The following SATL1 variants were observed in gnomAD, a reference collection of about 807,000 sequenced individuals.
The protein encoded by SATL1 is spermidine/spermine N1-acetyl transferase like 1.
A neutral mutation model predicts 51.8 loss-of-function variants in SATL1; 47 were observed. The ratio of observed to expected loss-of-function variants is 0.91; its 90% CI spans 0.72 to 1.16. SATL1 has a LOEUF of 1.16. Ranked by LOEUF, SATL1 falls within the 50% of genes most tolerant of loss-of-function variation. The probability of loss-of-function intolerance (pLI) is 0.00; values close to 1 mark genes in which losing one functional copy is unlikely to be tolerated. For synonymous variants in SATL1, 176 were observed against 182.4 expected (o/e 0.97, Z 0.28); for missense variants, 520 against 526.4 (o/e 0.99, Z 0.12).
chrX:85,167,286 A>G (rs758158420), intron 2 of SATL1, among the ~76,000 whole-genome samples: 1 of 108,216 alleles, frequency 9.2e-6, no homozygotes, highest in East Asian at 3.0e-4. Context: ...AAGACCACAC[A>G]TTGGGTACAG....
chrX:85,203,005 G>A (rs746646698), intron 2 of SATL1, among the ~76,000 whole-genome samples: 2 of 111,495 alleles, frequency 1.8e-5, no homozygotes, highest in Non-Finnish European at 3.8e-5. Flanking sequence ...AGGCCTGCAG[G>A]ACCTGCCCAG....
chrX:85,191,588 T>C (rs1353809978), intron 2 of SATL1, among the ~76,000 whole-genome samples: 1 of 112,016 alleles, frequency 8.9e-6, no homozygotes, highest in Non-Finnish European at 1.9e-5. Flanking sequence ...GAAGCCTTAC[T>C]GATAACATAA....
At chrX:85,223,171 T>C (rs1928207748) in intron 2 of SATL1, among the ~76,000 whole-genome samples, 1 of 111,782 alleles carries the variant, frequency 8.9e-6, no homozygotes, top group African/African-American at 3.2e-5. Flanking sequence ...ACTGGCCTAG[T>C]AGTATGTGTC....
At chrX:85,133,605 C>G (rs1925872849) in intron 2 of SATL1, among the ~76,000 whole-genome samples, 1 of 112,192 alleles carries the variant, frequency 8.9e-6, no homozygotes, top group Non-Finnish European at 1.9e-5. Flanking sequence ...CCTCATGCCT[C>G]CCGGCTGAGG....
chrX:85,232,289 G>T (rs747732458), intron 1 of SATL1, among the ~76,000 whole-genome samples: 8 of 110,811 alleles, frequency 7.2e-5, no homozygotes, highest in Non-Finnish European at 1.3e-4. Flanking sequence ...GCAACACTCA[G>T]TGTGGGTTTT....
intron 2 of SATL1, among the ~76,000 whole-genome samples, chrX:85,179,947 T>C (rs1927165652): frequency 9.1e-6 from 1 of 109,682 alleles, no homozygotes; most frequent in African/African-American, 3.3e-5. Flanking sequence ...ATACCTAGCA[T>C]AGTTTGAGTA....
At chrX:85,169,600 A>G (rs1270535642) in intron 2 of SATL1, among the ~76,000 whole-genome samples, 1 of 111,920 alleles carries the variant, frequency 8.9e-6, no homozygotes, top group Non-Finnish European at 1.9e-5. Flanking sequence ...CAGAATGTCT[A>G]TTATTAAAAA....
intron 2 of SATL1, among the ~76,000 whole-genome samples, chrX:85,205,014 G>C (rs1252860721): frequency 1.8e-5 from 2 of 111,789 alleles, no homozygotes; most frequent in African/African-American, 6.5e-5. Flanking sequence ...CAGAAGGATG[G>C]AAAATTAAAG....
intron 2 of SATL1, among the ~76,000 whole-genome samples, chrX:85,216,437 T>C (rs982697591): frequency 9.0e-6 from 1 of 111,101 alleles, no homozygotes; most frequent in Non-Finnish European, 1.9e-5. Flanking sequence ...GCAGACTGCA[T>C]TCTCATCTGG....
At chrX:85,130,051 C>G (rs1293602777) in intron 2 of SATL1, among the ~76,000 whole-genome samples, 1 of 111,598 alleles carries the variant, frequency 9.0e-6, no homozygotes, top group African/African-American at 3.3e-5. Context: ...GTTTTGCCAG[C>G]ATTTTATTGA....
chrX:85,132,169 G>C (rs942732371), intron 2 of SATL1, among the ~76,000 whole-genome samples: 1 of 111,241 alleles, frequency 9.0e-6, no homozygotes, highest in African/African-American at 3.3e-5. Context: ...GGCATTCTTT[G>C]TGTTTCCTGA....
chrX:85,149,228 A>G (rs1434535540), intron 2 of SATL1, among the ~76,000 whole-genome samples: 2 of 111,708 alleles, frequency 1.8e-5, no homozygotes, highest in African/African-American at 3.3e-5. Context: ...AGGCCATTAC[A>G]TAATGGTAAA....
intron 1 of SATL1, among the ~76,000 whole-genome samples, chrX:85,241,953 A>T (rs1355165493): frequency 8.9e-6 from 1 of 111,886 alleles, no homozygotes; most frequent in East Asian, 2.8e-4. Context: ...TTGGTGAGTA[A>T]ATGGACACAG....
chrX:85,126,541 CCG>C (rs1250645001), intron 2 of SATL1, among the ~76,000 whole-genome samples: 20 of 111,224 alleles, frequency 1.8e-4, no homozygotes, highest in African/African-American at 6.2e-4. Context: ...ACCACTACTG[CCG>C]CTTTCGGTAT....
intron 2 of SATL1, chrX:85,212,089 T>C (rs1386998910): frequency 2.7e-5 from 3 of 111,414 alleles, no homozygotes; most frequent in Non-Finnish European, 5.7e-5. Flanking sequence ...TGGAATAAAT[T>C]ACAAGTAAGT....
intron 2 of SATL1, among the ~76,000 whole-genome samples, chrX:85,150,871 C>G (rs1926411255): frequency 9.1e-6 from 1 of 110,090 alleles, no homozygotes; most frequent in African/African-American, 3.3e-5. Flanking sequence ...ACTGAATGGA[C>G]AAATACTGGA....
At chrX:85,106,625 A>G (rs772180761) in intron 3 of SATL1, among the ~76,000 whole-genome samples, 16 of 112,091 alleles carry the variant, frequency 1.4e-4, no homozygotes, top group African/African-American at 4.9e-4. Flanking sequence ...GAGTGCTTTC[A>G]GCACCACAGA....
Position 85,094,233 on chromosome X carries a change from G to A in SATL1, c.1775-4C>T, listed in dbSNP as rs1318587711. ...GCAAATCCAACAGTCAGTTTGCCTAGGAAGGGAGAAGAAAGGGTGTAGAAA... is the reference window on the plus strand; with the variant it reads ...GCAAATCCAACAGTCAGTTTGCCTAAGAAGGGAGAAGAAAGGGTGTAGAAA... On this transcript the variant is annotated splice_polypyrimidine_tract_variant and splice_region_variant and intron_variant, in intron 5 of 7. Coordinates refer to ENST00000644105, the MANE Select transcript of SATL1 (RefSeq NM_001367857.2). 1 of 1,082,976 alleles carries A rather than the reference G, an allele frequency of 9.2e-7. No individual in the cohort carries two copies. The allele number at this position is 1,082,976 out of a possible 1,213,427, so 89.2% of individuals were successfully genotyped here.
chrX:85,239,077 G>C (rs955067415), intron 1 of SATL1, among the ~76,000 whole-genome samples: 2 of 109,237 alleles, frequency 1.8e-5, no homozygotes, highest in East Asian at 2.9e-4. Flanking sequence ...TTGTTGAAAG[G>C]GTTGATCTCA....
Sources: gnomAD v4.1 joint callset for allele counts (sites outside exome capture counted in the v4.1 genomes callset) on GRCh38, gnomAD v4.1.1 for gene constraint, MANE v1.5 for transcripts, NCBI Gene and HGNC (gene_info 2026-07-23, HGNC 2026-07-21) for gene names.